CNTNAP4: variants seen among roughly 807,000 people sequenced by gnomAD.
CNTNAP4 encodes contactin-associated protein-like 4.
Under a neutral mutation model 148.4 loss-of-function variants are expected in CNTNAP4, and 98 were observed. The ratio of observed to expected loss-of-function variants is 0.66; its 90% CI spans 0.56 to 0.78. The LOEUF is 0.78. Ranked by LOEUF, CNTNAP4 falls within the 30% of genes least tolerant of loss-of-function variation. The pLI, the probability that CNTNAP4 is intolerant of heterozygous loss-of-function variation, is 0.00. For synonymous variants in CNTNAP4, 730 were observed against 565.1 expected, an observed-to-expected ratio of 1.29 and a Z score of -4.14; for missense variants, 1,935 against 1,565.6, an observed-to-expected ratio of 1.24 and a Z score of -3.98.
chr16:76,315,382 C>T (rs1263994126), intron 1 of CNTNAP4, among the ~76,000 whole-genome samples: 1 of 152,128 alleles, frequency 6.6e-6, no homozygotes. Flanking sequence ...ACTGGTGGAA[C>T]ATAGGGTATG....
intron 12 of CNTNAP4, among the ~76,000 whole-genome samples, chr16:76,484,801 C>T (rs2081967245): frequency 6.6e-6 from 1 of 152,136 alleles, no homozygotes; most frequent in African/African-American, 2.4e-5. Flanking sequence ...AGCATATCTT[C>T]TAGTTATATA....
At chr16:76,541,248 T>C (rs8062846) in intron 21 of CNTNAP4, among the ~76,000 whole-genome samples, 49,849 of 152,076 alleles carry the variant, frequency 0.33, 9,690 homozygotes, top group African/African-American at 0.56. Context: ...TTCTATTTGC[T>C]TTGTTGCAAT....
In CNTNAP4 at chr16:76,479,441, A is replaced by G; in HGVS notation, c.1785A>G (p.Glu595=). 1 of 1,606,696 alleles carries G rather than the reference A, an allele frequency of 6.2e-7. No homozygotes were observed. Among genetic ancestry groups the G allele is most frequent in the Non-Finnish European group, 8.5e-7 (1 of 1,176,806 alleles). The change falls in exon 12 of 24, where the codon GAA becomes GAG. Residue 595 remains glutamate, a synonymous_variant. Coordinates refer to ENST00000611870, the MANE Select transcript of CNTNAP4 (RefSeq NM_033401.5). ...AAGCTATCTATGAGCAGTCATGTGA[A>G]GCCTATAAGCACAGAGGAAATACTT... is the stretch of plus-strand genomic sequence containing the variant. ...CHNSIYEQSC[E]AYKHRGNTSG...
Position 76,477,470 on chromosome 16 carries a change from C to T in CNTNAP4, c.1762+1425C>T, listed in dbSNP as rs918056218. Among the ~76,000 whole-genome samples, 44 of 152,282 alleles carry T rather than the reference C, an allele frequency of 2.9e-4. 1 individual carries two copies. Among genetic ancestry groups the T allele is most frequent in the Admixed American group, 1.9e-3 (29 of 15,304 alleles). On this transcript the variant is annotated intron_variant, in intron 11 of 23. Coordinates refer to ENST00000611870, the MANE Select transcript of CNTNAP4 (RefSeq NM_033401.5). ...TTACACTATACACTGCATTGTGCTCCTGCCAGTGTTTGGAATCCTGGGCTC... is the reference window on the plus strand; with the variant it reads ...TTACACTATACACTGCATTGTGCTCTTGCCAGTGTTTGGAATCCTGGGCTC...
intron 1 of CNTNAP4, among the ~76,000 whole-genome samples, chr16:76,298,984 T>A (rs1042958445): frequency 2.4e-4 from 36 of 152,124 alleles, no homozygotes; most frequent in African/African-American, 8.2e-4. Context: ...AGTTACAACG[T>A]CTTATTAATT....
intron 3 of CNTNAP4, among the ~76,000 whole-genome samples, chr16:76,374,670 A>G (rs1397549572): frequency 6.6e-6 from 1 of 151,542 alleles, no homozygotes. Context: ...CTTAGTTTGC[A>G]TTTTTCAAAA....
intron 17 of CNTNAP4, among the ~76,000 whole-genome samples, chr16:76,525,804 A>G (rs1370149906): frequency 1.4e-5 from 2 of 147,688 alleles, no homozygotes; most frequent in African/African-American, 4.9e-5. Flanking sequence ...AAACTAGTTT[A>G]TAGTTAAGCT....
chr16:76,411,125 A>C (rs1332154715), intron 3 of CNTNAP4, among the ~76,000 whole-genome samples: 1 of 151,486 alleles, frequency 6.6e-6, no homozygotes, highest in African/African-American at 2.4e-5. Context: ...TCTGAACTCT[A>C]TGAAACAGTA....
intron 1 of CNTNAP4, among the ~76,000 whole-genome samples, chr16:76,292,093 G>A (rs1016595641): frequency 6.6e-6 from 1 of 152,150 alleles, no homozygotes; most frequent in African/African-American, 2.4e-5. Context: ...TCTGCTTGTA[G>A]TAGTATATGG....
intron 1 of CNTNAP4, among the ~76,000 whole-genome samples, chr16:76,300,651 A>C (rs1198945092): frequency 1.3e-5 from 2 of 152,228 alleles, no homozygotes; most frequent in Non-Finnish European, 2.9e-5. Flanking sequence ...TTCATATAGA[A>C]AATAAATAGA....
intron 2 of CNTNAP4, among the ~76,000 whole-genome samples, chr16:76,352,101 A>G (rs1293143352): frequency 6.6e-6 from 1 of 152,210 alleles, no homozygotes; most frequent in Non-Finnish European, 1.5e-5. Flanking sequence ...GGGTGACATT[A>G]TAGGGGCATT....
At chr16:76,289,961 C>G (rs1242548028) in intron 1 of CNTNAP4, among the ~76,000 whole-genome samples, 2 of 152,136 alleles carry the variant, frequency 1.3e-5, no homozygotes, top group Admixed American at 6.6e-5. Flanking sequence ...ACGTTTCATC[C>G]TCCTCATGGT....
chr16:76,337,787 G>A (rs931183682), intron 2 of CNTNAP4, among the ~76,000 whole-genome samples: 10 of 152,080 alleles, frequency 6.6e-5, no homozygotes, highest in African/African-American at 2.4e-4. Flanking sequence ...CTACCCCTGG[G>A]AATGCATTCC....
At chr16:76,476,122 A>G (rs916565445) in intron 11 of CNTNAP4, 77 bp downstream of exon 11, 4 of 976,176 alleles carry the variant, frequency 4.1e-6, no homozygotes, top group East Asian at 2.5e-5. Flanking sequence ...TGCTGTGTGT[A>G]TATATGTCTG....
At chr16:76,550,954 C>G (rs577892644) in intron 21 of CNTNAP4, among the ~76,000 whole-genome samples, 1 of 152,246 alleles carries the variant, frequency 6.6e-6, no homozygotes, top group South Asian at 2.1e-4. Context: ...GAACATGGCT[C>G]AATACCAGAT....
rs370717129 is a variant in CNTNAP4, at chr16:76,370,289, GA to G, written c.390+14789del. ...CATCTAATCTGAGTGTATTCTGACA[GA>G]AAAAAAAAAATCCTTAGTTCTGGTT... On this transcript the variant is annotated intron_variant, in intron 3 of 23. Coordinates refer to ENST00000611870, the MANE Select transcript of CNTNAP4 (RefSeq NM_033401.5). Among the ~76,000 whole-genome samples the G allele has an allele frequency of 9.2e-4, 135 of 146,922 alleles. 2 individuals are homozygous for G. The highest frequency in any genetic ancestry group is 3.6e-3 in the Middle Eastern group (1 of 274).
At chr16:76,304,730 A>G (rs1164594695) in intron 1 of CNTNAP4, among the ~76,000 whole-genome samples, 4 of 152,150 alleles carry the variant, frequency 2.6e-5, no homozygotes, top group South Asian at 2.1e-4. Context: ...CTTTTGACCA[A>G]TCAGTGGGCA....
intron 10 of CNTNAP4, among the ~76,000 whole-genome samples, chr16:76,469,893 T>G (rs2081304781): frequency 6.6e-6 from 1 of 152,148 alleles, no homozygotes; most frequent in Non-Finnish European, 1.5e-5. Flanking sequence ...GTAAACCTGT[T>G]GTCTTATACT....
At chr16:76,502,195 G>A (rs1220587302) in intron 15 of CNTNAP4, among the ~76,000 whole-genome samples, 1 of 152,136 alleles carries the variant, frequency 6.6e-6, no homozygotes. Context: ...TTTTAGCGTT[G>A]AGGTTCATCG....
Sources: gnomAD v4.1 joint callset for allele counts (sites outside exome capture counted in the v4.1 genomes callset) on GRCh38, gnomAD v4.1.1 for gene constraint, MANE v1.5 for transcripts, NCBI Gene and HGNC (gene_info 2026-07-23, HGNC 2026-07-21) for gene names.